Variants in FARS2 observed in about 807,000 individuals in gnomAD.
FARS2 encodes the protein phenylalanine--tRNA ligase, mitochondrial.
In FARS2, 40 loss-of-function variants were observed where a neutral mutation model predicts 46.4. The ratio of observed to expected loss-of-function variants is 0.86; its 90% CI spans 0.67 to 1.12. FARS2 has a LOEUF of 1.12. FARS2 is among the 50% of genes most tolerant of loss of function. The probability of loss-of-function intolerance (pLI) is 0.00; values close to 1 mark genes in which losing one functional copy is unlikely to be tolerated. For synonymous variants in FARS2, 234 were observed against 214.9 expected, an observed-to-expected ratio of 1.09 and a Z score of -0.78; for missense variants, 513 against 567.9, an observed-to-expected ratio of 0.90 and a Z score of 0.98.
At chr6:5,651,046 C>G (rs1014272832) in intron 6 of FARS2, among the ~76,000 whole-genome samples, 2 of 152,178 alleles carry the variant, frequency 1.3e-5, no homozygotes, top group African/African-American at 4.8e-5. Flanking sequence ...TCAGTTGCCT[C>G]TCAATACAGT....
chr6:5,700,310 A>T (rs749198147), intron 6 of FARS2, among the ~76,000 whole-genome samples: 7 of 152,156 alleles, frequency 4.6e-5, no homozygotes, highest in Non-Finnish European at 8.8e-5. Context: ...CAAAAATATG[A>T]TGGGGAATTG....
At chr6:5,259,091 T>G (rs192318407), upstream of FARS2, among the ~76,000 whole-genome samples, 1,272 of 149,004 alleles carry the variant, frequency 8.5e-3, 19 homozygotes, top group African/African-American at 0.031. Context: ...TCCAAGTTAG[T>G]CTTCGAGGGC....
chr6:5,610,084 T>G, intron 5 of FARS2: 3 of 928,956 alleles, frequency 3.2e-6, no homozygotes, highest in East Asian at 4.8e-5. Context: ...TCCAGGAGCA[T>G]TCCCCATTGC....
chr6:5,747,139 C>T (rs1157277846), intron 6 of FARS2, among the ~76,000 whole-genome samples: 1 of 152,214 alleles, frequency 6.6e-6, no homozygotes, highest in African/African-American at 2.4e-5. Flanking sequence ...CAAGAGAGGC[C>T]ACAGCAGTTA....
intron 6 of FARS2, among the ~76,000 whole-genome samples, chr6:5,669,378 C>G (rs561149764): frequency 2.5e-4 from 37 of 150,680 alleles, no homozygotes; most frequent in Non-Finnish European, 4.9e-4. Context: ...CACCTCCCCC[C>G]ACCCCCCCGC....
At chr6:5,516,858 G>A (rs1006844499) in intron 4 of FARS2, among the ~76,000 whole-genome samples, 10 of 152,192 alleles carry the variant, frequency 6.6e-5, no homozygotes, top group African/African-American at 2.4e-4. Flanking sequence ...TCAGTGGTGT[G>A]CATGCTACTC....
intron 2 of FARS2, chr6:5,371,171 A>G (rs957582689): frequency 5.1e-6 from 5 of 984,738 alleles, no homozygotes; most frequent in Non-Finnish European, 6.0e-6. Context: ...GGTTCCAAGA[A>G]TGCTATGGAG....
Position 5,727,296 on chromosome 6 carries a change from A to G in FARS2, c.1218-43995A>G, listed in dbSNP as rs937651534. On this transcript the variant is annotated intron_variant, in intron 6 of 6. Transcript: ENST00000274680. The surrounding 1 kb of genome is among the most constrained non-coding windows in gnomAD (Gnocchi z 4.1). ...ATGAGGTTGGACCCCGTTCCTCTGC[A>G]CAGAACTTTCCCTCCTCCCTTGGTC... is the stretch of plus-strand genomic sequence containing the variant. Among the ~76,000 whole-genome samples, 1 of 152,160 alleles carries G rather than the reference A, an allele frequency of 6.6e-6. No individual in the cohort carries two copies. Among genetic ancestry groups the G allele is most frequent in the Admixed American group, 6.5e-5 (1 of 15,284 alleles).
At chr6:5,414,555 G>C (rs1762110367) in intron 3 of FARS2, among the ~76,000 whole-genome samples, 1 of 152,102 alleles carries the variant, frequency 6.6e-6, no homozygotes, top group African/African-American at 2.4e-5. Context: ...TAATTATTTT[G>C]AGATTCATGC....
At chr6:5,597,162 G>C (rs1399375094) in intron 5 of FARS2, among the ~76,000 whole-genome samples, 3 of 152,220 alleles carry the variant, frequency 2.0e-5, no homozygotes, top group Non-Finnish European at 4.4e-5. Context: ...TCCCTACTAA[G>C]TTTGGCATTT....
intron 6 of FARS2, among the ~76,000 whole-genome samples, chr6:5,662,994 A>G (rs1048693662): frequency 4.6e-5 from 7 of 152,198 alleles, no homozygotes; most frequent in African/African-American, 1.7e-4. Flanking sequence ...GGATGCAGTG[A>G]TGGTGCTTCG....
chr6:5,638,985 T>A (rs1019405440), intron 6 of FARS2, among the ~76,000 whole-genome samples: 49 of 152,326 alleles, frequency 3.2e-4, no homozygotes, highest in African/African-American at 1.2e-3. Context: ...ACTAGCAACT[T>A]GTATAGCCTG....
At chr6:5,489,921 C>T (rs1036119674) in intron 4 of FARS2, among the ~76,000 whole-genome samples, 4 of 152,096 alleles carry the variant, frequency 2.6e-5, no homozygotes, top group East Asian at 3.9e-4. Flanking sequence ...GTATTATTTA[C>T]GTAAAATAAA....
At chr6:5,275,428 A>G (rs185118467) in intron 1 of FARS2, among the ~76,000 whole-genome samples, 3 of 152,258 alleles carry the variant, frequency 2.0e-5, no homozygotes, top group East Asian at 3.9e-4. Flanking sequence ...GTAGATCTAC[A>G]TAATAGAAGG....
the FARS2 span, among the ~76,000 whole-genome samples, chr6:5,253,528 A>G: frequency 4.6e-5 from 7 of 152,180 alleles, no homozygotes; most frequent in South Asian, 2.1e-4. Context: ...TTTGAGCTCA[A>G]AATTGGTCAA....
At chr6:5,252,928 C>T in the FARS2 span, among the ~76,000 whole-genome samples, 1 of 151,978 alleles carries the variant, frequency 6.6e-6, no homozygotes, top group Non-Finnish European at 1.5e-5. Flanking sequence ...GAAGAATAAG[C>T]CCCCAATTAA....
chr6:5,707,771 C>T (rs1052344072), intron 6 of FARS2, among the ~76,000 whole-genome samples: 15 of 152,326 alleles, frequency 9.8e-5, no homozygotes, highest in South Asian at 8.3e-4. Context: ...CCATCCCCGG[C>T]GCACATCTCA....
At chr6:5,435,413 A>G (rs995754924) in intron 4 of FARS2, among the ~76,000 whole-genome samples, 8 of 152,252 alleles carry the variant, frequency 5.3e-5, no homozygotes, top group Non-Finnish European at 1.2e-4. Flanking sequence ...TTACACATTT[A>G]AGCAACTGTG....
Position 5,727,877 on chromosome 6 carries a change from C to T in FARS2, c.1218-43414C>T, listed in dbSNP as rs989705838. Among the ~76,000 whole-genome samples, 18 of 152,166 alleles carry T rather than the reference C, an allele frequency of 1.2e-4. No homozygotes were observed. Among genetic ancestry groups the T allele is most frequent in the South Asian group, 2.1e-4 (1 of 4,824 alleles). ...GACTGATTTCTAAATGAGCTTCCTGCCTCAAGGCAAAGGTTGAGTTGCCCG... is the reference window on the plus strand; with the variant it reads ...GACTGATTTCTAAATGAGCTTCCTGTCTCAAGGCAAAGGTTGAGTTGCCCG... On this transcript the variant is annotated intron_variant, in intron 6 of 6. Coordinates refer to ENST00000274680, the MANE Select transcript of FARS2 (RefSeq NM_006567.5). The surrounding 1 kb of genome is among the most constrained non-coding windows in gnomAD (Gnocchi z 4.1).
Sources: allele counts gnomAD v4.1 joint callset (sites outside exome capture counted in the v4.1 genomes callset), GRCh38; gene constraint gnomAD v4.1.1; non-coding constraint Gnocchi (gnomAD v3.1); transcripts MANE v1.5; gene names NCBI Gene and HGNC (gene_info 2026-07-23, HGNC 2026-07-21).